The following PHF2 variants were observed in gnomAD, a reference collection of about 807,000 sequenced individuals.
PHF2 encodes lysine-specific demethylase PHF2.
A neutral mutation model predicts 120.5 loss-of-function variants in PHF2; 27 were observed. That is an observed-to-expected ratio of 0.22 (90% confidence interval 0.17 to 0.31). The LOEUF (loss-of-function observed/expected upper bound fraction) is 0.31. PHF2 is among the 10% of genes least tolerant of loss of function. The pLI, the probability that PHF2 is intolerant of heterozygous loss-of-function variation, is 1.00. For synonymous variants in PHF2, 568 were observed against 592.5 expected (o/e 0.96, Z 0.60); for missense variants, 1,024 against 1,434.8 (o/e 0.71, Z 4.63).
chr9:93,602,243 G>T (rs1177533075), intron 1 of PHF2, among the ~76,000 whole-genome samples: 2 of 110,558 alleles, frequency 1.8e-5, no homozygotes, highest in African/African-American at 3.4e-5. Flanking sequence ...CATTCCTAGA[G>T]ATTCTTTTTT....
intron 1 of PHF2, among the ~76,000 whole-genome samples, chr9:93,616,203 T>G (rs971561865): frequency 2.6e-5 from 4 of 152,226 alleles, no homozygotes; most frequent in African/African-American, 7.2e-5. Flanking sequence ...GAGATGTGTG[T>G]TGTTCCTAAT....
chr9:93,658,340 G>A, intron 10 of PHF2, 104 bp downstream of exon 10: 1 of 905,052 alleles, frequency 1.1e-6, no homozygotes, highest in Non-Finnish European at 1.7e-6. Flanking sequence ...CTGCTTCAGT[G>A]AGATCCAGCC....
chr9:93,627,871 C>T (rs1019450755), intron 1 of PHF2, among the ~76,000 whole-genome samples: 1 of 152,268 alleles, frequency 6.6e-6, no homozygotes, highest in East Asian at 1.9e-4. Flanking sequence ...AGGGCTGTGC[C>T]AGCTCAGGAG....
intron 3 of PHF2, among the ~76,000 whole-genome samples, chr9:93,641,281 C>A (rs774486202): frequency 1.3e-5 from 2 of 152,186 alleles, no homozygotes; most frequent in Admixed American, 6.5e-5. Context: ...AAAATAGATT[C>A]TATTTCCATC....
In PHF2 at chr9:93,666,020, C is replaced by T. The variant is rs368672670; in HGVS notation, c.2147C>T (p.Thr716Met). ...FLLDKKAVLPTPVTKPKLDSA... is the reference protein window; with the variant it reads ...FLLDKKAVLPMPVTKPKLDSA... ...TTGGATAAGAAGGCTGTGCTGCCCA[C>T]GCCTGTCACGAAGCCAAAGCTGGAC... is the stretch of plus-strand genomic sequence containing the variant. The change falls in exon 16 of 22, where the codon ACG becomes ATG. Residue 716 changes from threonine to methionine, a missense_variant. Coordinates refer to ENST00000359246, the MANE Select transcript of PHF2 (RefSeq NM_005392.4). The T allele has an allele frequency of 9.3e-6, 15 of 1,613,304 alleles. No homozygotes were observed. Among genetic ancestry groups the T allele is most frequent in the African/African-American group, 8.0e-5 (6 of 74,902 alleles).
intron 7 of PHF2, 129 bp downstream of exon 7, chr9:93,654,704 G>A (rs1305452698): frequency 6.7e-6 from 6 of 895,568 alleles, no homozygotes; most frequent in Non-Finnish European, 1.1e-5. Context: ...CTGCTCCCTT[G>A]TCCTGAGCAT....
chr9:93,646,820 A>G (rs746980395), intron 4 of PHF2, among the ~76,000 whole-genome samples: 1 of 152,150 alleles, frequency 6.6e-6, no homozygotes, highest in Non-Finnish European at 1.5e-5. Context: ...GCACCCTGGT[A>G]GCTGTCAGAC....
At chr9:93,634,447 C>T (rs1305052809) in intron 2 of PHF2, among the ~76,000 whole-genome samples, 1 of 152,184 alleles carries the variant, frequency 6.6e-6, no homozygotes, top group East Asian at 1.9e-4. Context: ...GAAGCAGGGG[C>T]TCCCAAGCAT....
In PHF2 at chr9:93,665,858, T is replaced by C; in HGVS notation, c.2110T>C (p.Leu704=). The part of the protein sequence containing the change: ...RRKKNAPKRD[L]SFLLDKKAVL... ...GAAGAAAAACGCCCCGAAAAGGGAC[T>C]TGTCCTGTGAGTTGGGAGGGGGTGT... Residue 704 remains leucine (L), a synonymous_variant, in exon 15 of 22, where the codon TTG becomes CTG. Transcript: ENST00000359246. 1 of 1,613,382 alleles carries C rather than the reference T, an allele frequency of 6.2e-7. No individual in the cohort carries two copies. The highest frequency in any genetic ancestry group is 8.5e-7 in the Non-Finnish European group (1 of 1,179,984).
At chr9:93,634,828 C>G (rs1007276467) in intron 2 of PHF2, among the ~76,000 whole-genome samples, 4 of 152,312 alleles carry the variant, frequency 2.6e-5, no homozygotes, top group Non-Finnish European at 2.9e-5. Flanking sequence ...ACCAAGCCAG[C>G]CTGTGAGTGT....
chr9:93,604,362 A>G (rs1587675075), intron 1 of PHF2, among the ~76,000 whole-genome samples: 1 of 147,106 alleles, frequency 6.8e-6, no homozygotes. Context: ...TGAGACGGAG[A>G]GCAAGACTTC....
At chr9:93,670,389 G>T (rs560815686) in intron 17 of PHF2, among the ~76,000 whole-genome samples, 120 of 152,346 alleles carry the variant, frequency 7.9e-4, no homozygotes, top group Non-Finnish European at 1.4e-3. Flanking sequence ...CCACGTGAGT[G>T]GTGGGGAAGC....
intron 2 of PHF2, among the ~76,000 whole-genome samples, chr9:93,631,467 C>T (rs904982997): frequency 6.6e-6 from 1 of 152,338 alleles, no homozygotes; most frequent in Admixed American, 6.5e-5. Flanking sequence ...TCCTGGTCCC[C>T]AGTAGTTGGC....
intron 7 of PHF2, among the ~76,000 whole-genome samples, chr9:93,655,613 T>A (rs536045217): frequency 1.2e-4 from 19 of 152,226 alleles, no homozygotes; most frequent in Non-Finnish European, 2.4e-4. Context: ...GTGAGTCCCC[T>A]CAGCTCTGGG....
Position 93,675,775 on chromosome 9 carries a change from A to G in PHF2, c.2818A>G (p.Lys940Glu). The change falls in exon 20 of 22, where the codon AAG becomes GAG. Residue 940 changes from lysine to glutamate, a missense_variant. Transcript: ENST00000359246. The stretch of plus-strand genomic sequence containing the variant: ...GACCGGGCTGGCGGCTGCTGCAGCT[A>G]AGTTGTCCCAGCAGGTGAGGAGGGG... ...IETGLAAAAA[K>E]LSQQEEQKSK... 1.2e-6 allele frequency: 2 copies of G among 1,610,290 alleles called. No individual in the cohort carries two copies. The highest frequency in any genetic ancestry group is 1.7e-6 in the Non-Finnish European group (2 of 1,179,602).
chr9:93,602,054 C>G (rs749807348), intron 1 of PHF2, among the ~76,000 whole-genome samples: 1 of 152,062 alleles, frequency 6.6e-6, no homozygotes, highest in Non-Finnish European at 1.5e-5. Flanking sequence ...CCAGTGGCTC[C>G]TAACTGGGCT....
chr9:93,627,584 T>A (rs1423445244), intron 1 of PHF2, among the ~76,000 whole-genome samples: 2 of 150,602 alleles, frequency 1.3e-5, no homozygotes, highest in African/African-American at 4.9e-5. Flanking sequence ...ATTTTCCTCC[T>A]CATCTTATGG....
At chr9:93,613,492 T>C (rs1587681665) in intron 1 of PHF2, among the ~76,000 whole-genome samples, 1 of 151,822 alleles carries the variant, frequency 6.6e-6, no homozygotes, top group South Asian at 2.1e-4. Context: ...AGGCCTGGCT[T>C]GTCTTTAGGA....
rs117024839 is a variant in PHF2 at position 93,664,865 on chromosome 9, C to T, written c.1938-821C>T. On this transcript the variant is annotated intron_variant, in intron 14 of 21. Transcript: ENST00000359246. Reference sequence around the variant, plus strand: ...TTCTGCGGCCCAGCCCGTAAGGCAGCGGGCTCGCCGCCCCTTCACTTAGAG... The same window carrying T: ...TTCTGCGGCCCAGCCCGTAAGGCAGTGGGCTCGCCGCCCCTTCACTTAGAG... 1.6e-4 allele frequency among the ~76,000 whole-genome samples: 24 copies of T among 152,348 alleles called. 1 individual carries two copies. The East Asian group carries it at 4.4e-3, about 28-fold the overall frequency.
Sources: gnomAD v4.1 joint callset for allele counts (sites outside exome capture counted in the v4.1 genomes callset) on GRCh38, gnomAD v4.1.1 for gene constraint, MANE v1.5 for transcripts, NCBI Gene and HGNC (gene_info 2026-07-23, HGNC 2026-07-21) for gene names.